COBLL1: variants seen among roughly 807,000 people sequenced by gnomAD.
COBLL1 encodes the protein cordon-bleu WH2 repeat protein like 1.
A neutral mutation model predicts 94.8 loss-of-function variants in COBLL1; 50 were observed. That is an observed-to-expected ratio of 0.53 (90% confidence interval 0.42 to 0.67). COBLL1 has a LOEUF of 0.67. COBLL1 is among the 30% of genes least tolerant of loss of function. The pLI, the probability that COBLL1 is intolerant of heterozygous loss-of-function variation, is 0.00. For missense variants in COBLL1, 1,362 were observed against 1,348.7 expected, an observed-to-expected ratio of 1.01 and a Z score of -0.15; for synonymous variants, 448 against 473.8, an observed-to-expected ratio of 0.95 and a Z score of 0.71.
At position 164,695,576 on chromosome 2, in the gene COBLL1, T is replaced by A; in HGVS notation, c.1816A>T (p.Thr606Ser). The A allele has an allele frequency of 6.2e-7, 1 of 1,613,990 alleles. No individual in the cohort carries two copies. The highest frequency in any genetic ancestry group is 8.5e-7 in the Non-Finnish European group (1 of 1,179,922). ...TCAAAACTGTTACAAGAAGGGGTTG[T>A]CTGAATTGCTGCATCTTTTGTCTTT... is the stretch of plus-strand genomic sequence containing the variant. ...AEKTKDAAIQTTPSCNSFDGK... is the reference protein window; with the variant it reads ...AEKTKDAAIQSTPSCNSFDGK... The change falls in exon 12 of 14, where the codon ACA becomes TCA. Residue 606 changes from threonine to serine, a missense_variant. By Grantham distance (58) the Thr-to-Ser change is moderately conservative. Transcript: ENST00000652658.
chr2:164,819,804 GT>G (rs144399441), intron 2 of COBLL1, among the ~76,000 whole-genome samples: 35,006 of 148,206 alleles, frequency 0.24, 4,390 homozygotes, highest in African/African-American at 0.34. Context: ...TTTTGCCACT[GT>G]TTTTTTTTTG....
intron 7 of COBLL1, among the ~76,000 whole-genome samples, chr2:164,719,151 A>G (rs1685323054): frequency 6.6e-6 from 1 of 152,130 alleles, no homozygotes; most frequent in Non-Finnish European, 1.5e-5. Context: ...GAGGGAATAA[A>G]AGACATCATG....
At chr2:164,814,773 C>G (rs1277504283) in intron 2 of COBLL1, among the ~76,000 whole-genome samples, 1 of 152,088 alleles carries the variant, frequency 6.6e-6, no homozygotes, top group African/African-American at 2.4e-5. Flanking sequence ...GTCTTTCCTC[C>G]ATTAAAAGTA....
intron 3 of COBLL1, among the ~76,000 whole-genome samples, chr2:164,741,899 T>C (rs1397201548): frequency 1.3e-5 from 2 of 152,142 alleles, no homozygotes; most frequent in Non-Finnish European, 1.5e-5. Flanking sequence ...TTGAGGAGGA[T>C]GAAGAACTAA....
In COBLL1 at chr2:164,661,135, A is replaced by G. The variant is rs10175312; in HGVS notation, n.181+4712T>C. ...TGGGAGGAGAACATTACTCTTTAGT[A>G]TATTACATTCAGTACCTTATTATTG... On this transcript the variant is annotated intron_variant and non_coding_transcript_variant, in intron 2 of 2. Coordinates refer to the COBLL1 transcript ENST00000495084. Among the ~76,000 whole-genome samples the G allele has an allele frequency of 5.7e-3, 869 of 152,226 alleles. 4 individuals carry two copies. The highest frequency in any genetic ancestry group is 0.019 in the African/African-American group (800 of 41,572).
At chr2:164,690,603 T>C (rs1683542227) in intron 13 of COBLL1, among the ~76,000 whole-genome samples, 1 of 152,192 alleles carries the variant, frequency 6.6e-6, no homozygotes, top group Non-Finnish European at 1.5e-5. Context: ...ATTAGTTCAT[T>C]GAAACTGATG....
rs1683357192 is a variant in COBLL1, at chr2:164,687,408, GC to G, written c.3301-1377del. ...ATTCATCGACATTGAACTTGGTGAAGCCCCATTTCTTTGAGAAGTGGATCGT... is the reference window on the plus strand; with the variant it reads ...ATTCATCGACATTGAACTTGGTGAAGCCCATTTCTTTGAGAAGTGGATCGT... On this transcript the variant is annotated intron_variant, in intron 13 of 13. Coordinates refer to ENST00000652658, the MANE Select transcript of COBLL1 (RefSeq NM_001365672.2). The G allele has an allele frequency of 3.3e-6, 3 of 896,500 alleles. No homozygotes were observed. In the East Asian group the frequency reaches 7.2e-5, roughly 22 times the overall value. The allele number at this position is 896,500 out of a possible 1,614,324, so 55.5% of individuals were successfully genotyped here. A position where few individuals can be genotyped will look rare whatever the true frequency, so the allele number is the denominator to read the frequency against.
At chr2:164,756,415 A>C (rs574549432) in intron 2 of COBLL1, among the ~76,000 whole-genome samples, 3 of 152,214 alleles carry the variant, frequency 2.0e-5, no homozygotes, top group Admixed American at 2.0e-4. Flanking sequence ...ACATTTAGTA[A>C]TATCCTAATA....
At chr2:164,836,194 CA>C (rs1231752602) in intron 2 of COBLL1, among the ~76,000 whole-genome samples, 1 of 151,784 alleles carries the variant, frequency 6.6e-6, no homozygotes, top group Non-Finnish European at 1.5e-5. Flanking sequence ...TGCCTAATAT[CA>C]AAAAATAAGT....
At chr2:164,804,552 A>G (rs1458074798) in intron 2 of COBLL1, among the ~76,000 whole-genome samples, 3 of 152,162 alleles carry the variant, frequency 2.0e-5, no homozygotes, top group African/African-American at 7.2e-5. Flanking sequence ...TGGGGGCTCA[A>G]TTCTTATCAG....
rs558871993 is a variant in COBLL1 at position 164,682,323 on chromosome 2, T to G, written c.*3623A>C. The G allele has an allele frequency of 9.8e-5, 15 of 152,356 alleles. No individual in the cohort carries two copies. The highest frequency in any genetic ancestry group is 3.6e-4 in the African/African-American group (15 of 41,592). The allele number at this position is 152,356 out of a possible 1,614,324, so 9.4% of individuals were successfully genotyped here. A position where few individuals can be genotyped will look rare whatever the true frequency, so the allele number is the denominator to read the frequency against. On this transcript the variant is annotated 3_prime_UTR_variant, in exon 14 of 14. Coordinates refer to ENST00000652658, the MANE Select transcript of COBLL1 (RefSeq NM_001365672.2). ...AAGTTCTTTTCTTTCAAGTCAGTTATCAAAATCAGTAGATTTTAAAAATGA... is the reference window on the plus strand; with the variant it reads ...AAGTTCTTTTCTTTCAAGTCAGTTAGCAAAATCAGTAGATTTTAAAAATGA...
In COBLL1 at chr2:164,691,182, C is replaced by T. The variant is rs112486804; in HGVS notation, c.3300+1039G>A. Among the ~76,000 whole-genome samples, 717 of 152,272 alleles carry T rather than the reference C, an allele frequency of 4.7e-3. 3 individuals carry two copies. Among genetic ancestry groups the T allele is most frequent in the South Asian group, 0.012 (57 of 4,826 alleles). On this transcript the variant is annotated intron_variant, in intron 13 of 13. Coordinates refer to ENST00000652658, the MANE Select transcript of COBLL1 (RefSeq NM_001365672.2). ...GGAGGAATGGCTGTCACTCATACCT[C>T]CTCACATACACACCAAGGAAGTTGG...
chr2:164,784,146 A>G (rs534434648), intron 2 of COBLL1, among the ~76,000 whole-genome samples: 1 of 152,268 alleles, frequency 6.6e-6, no homozygotes, highest in African/African-American at 2.4e-5. Context: ...GTCTCATGGT[A>G]GATTCTCTCA....
At chr2:164,838,663 A>C (rs1402254606) in intron 2 of COBLL1, among the ~76,000 whole-genome samples, 1 of 152,218 alleles carries the variant, frequency 6.6e-6, no homozygotes, top group East Asian at 1.9e-4. Context: ...CATTTATAAA[A>C]TGTGGAGAAC....
chr2:164,839,965 A>C (rs1183159543), intron 2 of COBLL1, among the ~76,000 whole-genome samples: 1 of 152,230 alleles, frequency 6.6e-6, no homozygotes, highest in Non-Finnish European at 1.5e-5. Flanking sequence ...TGTTTCCTCT[A>C]TGTAAAAATT....
intron 2 of COBLL1, among the ~76,000 whole-genome samples, chr2:164,802,961 T>C (rs959716963): frequency 1.3e-5 from 2 of 152,190 alleles, no homozygotes. Context: ...TAAATGGTCT[T>C]TCTCTTTCTG....
chr2:164,818,951 G>C (rs893857363), intron 2 of COBLL1, among the ~76,000 whole-genome samples: 4 of 150,044 alleles, frequency 2.7e-5, no homozygotes, highest in Admixed American at 1.3e-4. Context: ...TTTATTTTTT[G>C]GTAGAGACAG....
chr2:164,731,935 G>A (rs1177793474), intron 3 of COBLL1, among the ~76,000 whole-genome samples: 1 of 152,162 alleles, frequency 6.6e-6, no homozygotes. Context: ...AGGTGGGGAA[G>A]GATTCACTGT....
At chr2:164,770,944 C>T (rs1039963681) in intron 2 of COBLL1, among the ~76,000 whole-genome samples, 2 of 152,024 alleles carry the variant, frequency 1.3e-5, no homozygotes, top group African/African-American at 2.4e-5. Flanking sequence ...TACACATTTA[C>T]TTTTTGATCC....
Sources: allele counts gnomAD v4.1 joint callset (sites outside exome capture counted in the v4.1 genomes callset), GRCh38; gene constraint gnomAD v4.1.1; transcripts MANE v1.5; gene names NCBI Gene and HGNC (gene_info 2026-07-23, HGNC 2026-07-21).